Variants in TRIM44 observed in about 807,000 individuals in gnomAD.
The protein encoded by TRIM44 is tripartite motif-containing protein 44.
In TRIM44, 13 loss-of-function variants were observed where a neutral mutation model predicts 37.4. The ratio of observed to expected loss-of-function variants is 0.35; its 90% CI spans 0.23 to 0.55. The LOEUF (loss-of-function observed/expected upper bound fraction) is 0.55. Among genes scored for constraint, TRIM44 ranks in the 20% least tolerant of loss-of-function variants. The probability of loss-of-function intolerance (pLI) is 0.89; values close to 1 mark genes in which losing one functional copy is unlikely to be tolerated. For synonymous variants in TRIM44, 175 were observed against 157.2 expected (o/e 1.11, Z -0.85); for missense variants, 426 against 437.2 (o/e 0.97, Z 0.23).
chr11:35,708,133 G>A (rs1851913825), intron 2 of TRIM44, among the ~76,000 whole-genome samples: 1 of 151,410 alleles, frequency 6.6e-6, no homozygotes, highest in Non-Finnish European at 1.5e-5. Context: ...AGACATTCAT[G>A]CAGCCAAAAG....
intron 3 of TRIM44, among the ~76,000 whole-genome samples, chr11:35,731,710 A>G (rs1482878065): frequency 2.6e-5 from 4 of 152,076 alleles, no homozygotes; most frequent in Admixed American, 6.6e-5. Context: ...TTTATATGTC[A>G]TGAGCATTTT....
In TRIM44 at chr11:35,675,108, A is replaced by G. The variant is rs564374415; in HGVS notation, c.670-10151A>G. Among the ~76,000 whole-genome samples the G allele has an allele frequency of 7.9e-5, 12 of 152,350 alleles. No homozygotes were observed. In the East Asian group the frequency reaches 2.3e-3, roughly 29 times the overall value. On this transcript the variant is annotated intron_variant, in intron 1 of 4. Transcript: ENST00000299413. ...GGTGGGTTATAAATTCTTTAAGGCT[A>G]GAACTATATGTTATTCATCTTTGTA... is the stretch of plus-strand genomic sequence containing the variant.
At chr11:35,764,646 T>A (rs540460575) in intron 4 of TRIM44, among the ~76,000 whole-genome samples, 150 of 152,334 alleles carry the variant, frequency 9.8e-4, no homozygotes, top group African/African-American at 3.4e-3. Flanking sequence ...AATGGTTTCC[T>A]ATCCCTCTTT....
At chr11:35,708,959 T>C (rs1851929049) in intron 2 of TRIM44, among the ~76,000 whole-genome samples, 1 of 139,024 alleles carries the variant, frequency 7.2e-6, no homozygotes, top group African/African-American at 2.8e-5. Flanking sequence ...AATAAATAAA[T>C]AAACATGCAC....
At chr11:35,729,720 C>T (rs924630095) in intron 3 of TRIM44, among the ~76,000 whole-genome samples, 19 of 152,090 alleles carry the variant, frequency 1.2e-4, no homozygotes. Flanking sequence ...GACATATGAA[C>T]CATAGTTCAC....
At chr11:35,733,227 G>C (rs747690579) in intron 3 of TRIM44, among the ~76,000 whole-genome samples, 1 of 152,132 alleles carries the variant, frequency 6.6e-6, no homozygotes, top group Non-Finnish European at 1.5e-5. Flanking sequence ...TAATGAACCA[G>C]AATTTGAGAC....
chr11:35,779,873 A>AT (rs11440904), intron 4 of TRIM44, among the ~76,000 whole-genome samples: 82,894 of 136,474 alleles, frequency 0.61, 24,965 homozygotes, highest in South Asian at 0.75. Flanking sequence ...CCCTTTGCCT[A>AT]TTTTTTTTTT....
intron 4 of TRIM44, among the ~76,000 whole-genome samples, chr11:35,796,079 C>CT (rs1277211033): frequency 6.6e-6 from 1 of 152,206 alleles, no homozygotes; most frequent in East Asian, 1.9e-4. Context: ...TTTGTGACTC[C>CT]TAGGTCCATA....
intron 4 of TRIM44, among the ~76,000 whole-genome samples, chr11:35,758,828 C>T (rs918430067): frequency 6.6e-6 from 1 of 152,158 alleles, no homozygotes; most frequent in African/African-American, 2.4e-5. Flanking sequence ...AGTATTGGCC[C>T]CCACTCTCTT....
At chr11:35,775,793 A>G (rs1852948744) in intron 4 of TRIM44, among the ~76,000 whole-genome samples, 1 of 152,148 alleles carries the variant, frequency 6.6e-6, no homozygotes, top group Non-Finnish European at 1.5e-5. Flanking sequence ...CGTATGTTGA[A>G]CCAGCCTCAC....
Position 35,790,599 on chromosome 11 carries a change from T to C in TRIM44, c.1008-15759T>C, listed in dbSNP as rs1030224386. Among the ~76,000 whole-genome samples, 39 of 152,206 alleles carry C rather than the reference T, an allele frequency of 2.6e-4. 1 individual carries two copies. Among genetic ancestry groups the C allele is most frequent in the African/African-American group, 8.7e-4 (36 of 41,454 alleles). On this transcript the variant is annotated intron_variant, in intron 4 of 4. Transcript: ENST00000299413. ...CATCTAATGGTGACCAGACTAGTGC[T>C]GTCTCTCATCTGACAGCACTGAACT...
intron 4 of TRIM44, among the ~76,000 whole-genome samples, chr11:35,764,204 T>A (rs1411199698): frequency 1.3e-5 from 2 of 152,214 alleles, no homozygotes; most frequent in African/African-American, 4.8e-5. Context: ...AGAGTTAATG[T>A]GTTAACAACT....
intron 1 of TRIM44, among the ~76,000 whole-genome samples, chr11:35,669,626 C>G (rs77947554): frequency 0.011 from 1,607 of 152,108 alleles, 28 homozygotes; most frequent in African/African-American, 0.037. Flanking sequence ...CAGGCGCCCA[C>G]CACCATGCCC....
intron 2 of TRIM44, among the ~76,000 whole-genome samples, chr11:35,712,012 G>C (rs1851981043): frequency 1.3e-5 from 2 of 152,170 alleles, no homozygotes; most frequent in African/African-American, 4.8e-5. Context: ...ATACCTGTTT[G>C]AGTGATAATG....
chr11:35,708,564 A>G (rs1851920416), intron 2 of TRIM44, among the ~76,000 whole-genome samples: 1 of 151,796 alleles, frequency 6.6e-6, no homozygotes, highest in Non-Finnish European at 1.5e-5. Context: ...CATATACACC[A>G]TGGAATACTA....
intron 1 of TRIM44, among the ~76,000 whole-genome samples, chr11:35,674,764 A>G (rs1448031359): frequency 6.6e-6 from 1 of 152,230 alleles, no homozygotes; most frequent in East Asian, 1.9e-4. Flanking sequence ...CAAAGTTTCT[A>G]ACTTCAGGAA....
intron 4 of TRIM44, among the ~76,000 whole-genome samples, chr11:35,790,176 C>G (rs1023404377): frequency 2.6e-5 from 4 of 152,198 alleles, no homozygotes; most frequent in Admixed American, 2.6e-4. Context: ...ACAGCTGGCT[C>G]ATCCAGAAAC....
chr11:35,693,754 C>A (rs979619778), intron 2 of TRIM44, among the ~76,000 whole-genome samples: 1 of 152,138 alleles, frequency 6.6e-6, no homozygotes, highest in Non-Finnish European at 1.5e-5. Context: ...TTTGGGTTTC[C>A]AGTCTCAGCA....
At chr11:35,792,690 T>C (rs1047808386) in intron 4 of TRIM44, among the ~76,000 whole-genome samples, 6 of 152,054 alleles carry the variant, frequency 3.9e-5, no homozygotes, top group Admixed American at 6.6e-5. Context: ...AGGGGTAAAA[T>C]AGTGAATGAG....
Sources: allele counts gnomAD v4.1 joint callset (sites outside exome capture counted in the v4.1 genomes callset), GRCh38; gene constraint gnomAD v4.1.1; transcripts MANE v1.5; gene names NCBI Gene and HGNC (gene_info 2026-07-23, HGNC 2026-07-21).